Variants in FYB1 observed in about 807,000 individuals in gnomAD.
The protein encoded by FYB1 is FYN-binding protein 1.
FYB1 carries 41 observed loss-of-function variants against 94.1 expected under a neutral mutation model. The observed-to-expected ratio is 0.44, with a 90% CI of 0.34 to 0.57. FYB1 has a LOEUF of 0.57. FYB1 is among the 20% of genes least tolerant of loss of function. FYB1 has a pLI of 0.02. For synonymous variants in FYB1, 367 were observed against 353.2 expected (o/e 1.04, Z -0.44); for missense variants, 1,050 against 976.8 (o/e 1.07, Z -1.00).
intron 2 of FYB1, among the ~76,000 whole-genome samples, chr5:39,197,456 CA>C (rs1157249728): frequency 2.6e-5 from 4 of 152,142 alleles, no homozygotes; most frequent in Non-Finnish European, 5.9e-5. Context: ...ACTCCAATCT[CA>C]AAAAATTTTA....
In FYB1 at chr5:39,202,770, A is replaced by G; in HGVS notation, c.191T>C (p.Val64Ala). Residue 64 changes from valine to alanine, a missense_variant, in exon 2 of 19, where the codon GTG (valine) becomes GCG (alanine). Val to Ala is a moderately conservative substitution (Grantham distance 64, BLOSUM62 0). Transcript: ENST00000512982. ...TTCCTCAGAAGAAGGTTTGACTGCC[A>G]CAGGTGGCTTTGGGGACCCAAACTT... ...VPKFGSPKPP[V>A]AVKPSSEEKP... The G allele has an allele frequency of 6.2e-7, 1 of 1,613,936 alleles. No homozygotes were observed. The highest frequency in any genetic ancestry group is 8.5e-7 in the Non-Finnish European group (1 of 1,179,870).
At chr5:39,271,246 A>G (rs1450933594) in intron 1 of FYB1, among the ~76,000 whole-genome samples, 1 of 152,198 alleles carries the variant, frequency 6.6e-6, no homozygotes, top group African/African-American at 2.4e-5. Flanking sequence ...CCCTAAAAAA[A>G]AAGTACAGCT....
intron 1 of FYB1, among the ~76,000 whole-genome samples, chr5:39,240,287 C>T (rs1471208965): frequency 2.0e-5 from 3 of 152,116 alleles, no homozygotes; most frequent in Non-Finnish European, 4.4e-5. Context: ...ACAAAGATGC[C>T]AAAAGCAACT....
At chr5:39,261,189 G>A (rs184050789) in intron 1 of FYB1, among the ~76,000 whole-genome samples, 71 of 151,840 alleles carry the variant, frequency 4.7e-4, no homozygotes, top group African/African-American at 1.3e-3. Context: ...GATGGGGAGC[G>A]AGGGGAGGGA....
At chr5:39,133,531 C>T (rs1741391029) in intron 9 of FYB1, among the ~76,000 whole-genome samples, 2 of 151,972 alleles carry the variant, frequency 1.3e-5, no homozygotes, top group African/African-American at 4.8e-5. Context: ...AGGAAAGAAG[C>T]AGAAGACTAA....
chr5:39,208,663 G>A (rs1749072292), intron 1 of FYB1, among the ~76,000 whole-genome samples: 1 of 152,162 alleles, frequency 6.6e-6, no homozygotes, highest in Non-Finnish European at 1.5e-5. Flanking sequence ...GTTCCAGAAA[G>A]CCAGCCCTCG....
chr5:39,188,368 C>T (rs1322643056), intron 2 of FYB1, among the ~76,000 whole-genome samples: 2 of 152,082 alleles, frequency 1.3e-5, no homozygotes, highest in Admixed American at 1.3e-4. Flanking sequence ...GATGTAATCA[C>T]TAACTGCTAG....
upstream of FYB1, among the ~76,000 whole-genome samples, chr5:39,221,286 C>A (rs1750249156): frequency 6.6e-6 from 1 of 152,144 alleles, no homozygotes; most frequent in African/African-American, 2.4e-5. Flanking sequence ...CTAGGCATGA[C>A]AGAGCCAGGA....
intron 18 of FYB1, among the ~76,000 whole-genome samples, chr5:39,108,018 G>GAAAT (rs1738682419): frequency 6.6e-6 from 1 of 151,900 alleles, no homozygotes; most frequent in African/African-American, 2.4e-5. Flanking sequence ...TGTTTTCAAA[G>GAAAT]AAATAAATAA....
At chr5:39,246,505 C>T (rs901429613) in intron 1 of FYB1, among the ~76,000 whole-genome samples, 1 of 152,176 alleles carries the variant, frequency 6.6e-6, no homozygotes, top group African/African-American at 2.4e-5. Context: ...GCTTCTATCA[C>T]AACTTTTTCC....
intron 1 of FYB1, among the ~76,000 whole-genome samples, chr5:39,215,089 G>A (rs1190640819): frequency 5.3e-5 from 8 of 152,072 alleles, no homozygotes; most frequent in Non-Finnish European, 8.8e-5. Context: ...AGAAGAAAAC[G>A]TTCCTGAAAT....
intron 1 of FYB1, among the ~76,000 whole-genome samples, chr5:39,229,005 C>T (rs565139740): frequency 2.0e-5 from 3 of 152,212 alleles, no homozygotes; most frequent in South Asian, 4.2e-4. Context: ...AGTAACAAGG[C>T]TTTGTCTTAC....
rs150456702 is a variant in FYB1 at position 39,254,396 on chromosome 5, T to C, written c.-28+20007A>G. ...TTTTAATAATAGCCATTCTGACTGGTGTGAGATGATATCTTACTGTGGTTT... is the reference window on the plus strand; with the variant it reads ...TTTTAATAATAGCCATTCTGACTGGCGTGAGATGATATCTTACTGTGGTTT... On this transcript the variant is annotated intron_variant, in intron 1 of 1. Coordinates refer to the FYB1 transcript ENST00000510188. 3.6e-3 allele frequency among the ~76,000 whole-genome samples: 550 copies of C among 152,346 alleles called. 8 individuals are homozygous for C. The highest frequency in any genetic ancestry group is 0.029 in the Admixed American group (451 of 15,306).
chr5:39,160,526 A>G (rs746458507), intron 2 of FYB1, among the ~76,000 whole-genome samples: 2 of 152,226 alleles, frequency 1.3e-5, no homozygotes, highest in Non-Finnish European at 2.9e-5. Flanking sequence ...CACACCAGAA[A>G]CAATTTTCAA....
chr5:39,190,401 T>A (rs1044362292), intron 2 of FYB1, among the ~76,000 whole-genome samples: 4 of 152,184 alleles, frequency 2.6e-5, no homozygotes, highest in Admixed American at 6.5e-5. Flanking sequence ...TAGCACAGGC[T>A]GCTCCACCCA....
intron 16 of FYB1, among the ~76,000 whole-genome samples, chr5:39,116,707 G>T (rs932733263): frequency 2.0e-5 from 3 of 152,022 alleles, no homozygotes; most frequent in Non-Finnish European, 4.4e-5. Flanking sequence ...TTGTTGATGA[G>T]ATCATAACAT....
At chr5:39,162,564 A>T (rs1025561321) in intron 2 of FYB1, among the ~76,000 whole-genome samples, 1 of 152,140 alleles carries the variant, frequency 6.6e-6, no homozygotes, top group Non-Finnish European at 1.5e-5. Context: ...GCTTGTCTGT[A>T]GTCCCAGCTA....
chr5:39,207,294 C>G (rs954481899), intron 1 of FYB1, among the ~76,000 whole-genome samples: 1 of 152,212 alleles, frequency 6.6e-6, no homozygotes, highest in Non-Finnish European at 1.5e-5. Context: ...TGCTCACAAA[C>G]ACAGATTTAA....
At chr5:39,269,818 G>A (rs1451700331) in intron 1 of FYB1, 1 of 152,196 alleles carries the variant, frequency 6.6e-6, no homozygotes, top group Non-Finnish European at 1.5e-5. Flanking sequence ...GTCTTCTGGG[G>A]GCTGGGGAAT....
Sources: allele counts gnomAD v4.1 joint callset (sites outside exome capture counted in the v4.1 genomes callset), GRCh38; gene constraint gnomAD v4.1.1; transcripts MANE v1.5; gene names NCBI Gene and HGNC (gene_info 2026-07-23, HGNC 2026-07-21).